Variants in DOP1A observed in about 807,000 individuals in gnomAD.
DOP1A encodes DOP1 leucine zipper like protein A, also known as protein DOP1A.
In DOP1A, 90 loss-of-function variants were observed where a neutral mutation model predicts 267.6. The ratio of observed to expected loss-of-function variants is 0.34; its 90% confidence interval spans 0.28 to 0.40. The LOEUF (loss-of-function observed/expected upper bound fraction) is 0.40. Among genes scored for constraint, DOP1A ranks in the 10% least tolerant of loss-of-function variants. The probability of loss-of-function intolerance (pLI) is 1.00; values close to 1 mark genes in which losing one functional copy is unlikely to be tolerated. For synonymous variants in DOP1A, 932 were observed against 999.1 expected (o/e 0.93, Z 1.27); for missense variants, 2,437 against 2,900.4 (o/e 0.84, Z 3.67).
chr6:83,122,602 CTTTT>C (rs1311070625), intron 11 of DOP1A, among the ~76,000 whole-genome samples: 2 of 151,878 alleles, frequency 1.3e-5, no homozygotes, highest in Non-Finnish European at 2.9e-5. Flanking sequence ...AATTCTTGTT[CTTTT>C]GTCTTTTTTA....
Position 83,137,595 on chromosome 6 carries a change from A to T in DOP1A, c.3553A>T (p.Ser1185Cys), listed in dbSNP as rs1261880474. ...AATTGAAGCTATGCCCCCAAAGTGC[A>T]GTGATATAGATCCAGATGAAGAGAC... The part of the protein sequence containing the change: ...LEIEAMPPKC[S>C]DIDPDEETIK... Residue 1185 changes from serine (S) to cysteine (C), a missense_variant, in exon 21 of 39, where the codon AGT becomes TGT. Physicochemically the swap from Ser to Cys is moderately radical, Grantham distance 112. Coordinates refer to ENST00000349129, the MANE Select transcript of DOP1A (RefSeq NM_015018.4). 6.2e-7 allele frequency: 1 copy of T among 1,613,878 alleles called. No individual in the cohort carries two copies. The highest frequency in any genetic ancestry group is 1.1e-5 in the South Asian group (1 of 91,076).
chr6:83,076,419 G>A (rs75134530), intron 1 of DOP1A, among the ~76,000 whole-genome samples: 1 of 152,130 alleles, frequency 6.6e-6, no homozygotes, highest in South Asian at 2.1e-4. Flanking sequence ...CTATTCAGGA[G>A]GCTGAGGCAA....
At chr6:83,136,249 G>T (rs1435257426) in intron 20 of DOP1A, among the ~76,000 whole-genome samples, 1 of 152,052 alleles carries the variant, frequency 6.6e-6, no homozygotes, top group Non-Finnish European at 1.5e-5. Flanking sequence ...TGTATTTCAT[G>T]AGTCATTTTC....
At chr6:83,124,602 T>C (rs1230308486) in intron 12 of DOP1A, 103 bp from the exon 13 acceptor site, 5 of 844,354 alleles carry the variant, frequency 5.9e-6, no homozygotes, top group Non-Finnish European at 9.9e-6. Flanking sequence ...TTACTGTGTG[T>C]GACCCAATAT....
rs187721305 is a variant in DOP1A, at chr6:83,149,375, T to C, written c.5837+512T>C. ...CTCTCTTTCTTGCTTGCCATTATTC[T>C]TGATTCCTAATAGGTCCCCAGTAAA... On this transcript the variant is annotated intron_variant, in intron 27 of 38. Coordinates refer to ENST00000349129, the MANE Select transcript of DOP1A (RefSeq NM_015018.4). 4.1e-4 allele frequency among the ~76,000 whole-genome samples: 63 copies of C among 152,308 alleles called. 1 individual carries two copies. The East Asian group carries it at 9.6e-3, about 23-fold the overall frequency.
At chr6:83,117,760 A>G (rs1448626196) in intron 7 of DOP1A, among the ~76,000 whole-genome samples, 2 of 152,110 alleles carry the variant, frequency 1.3e-5, no homozygotes, top group Non-Finnish European at 2.9e-5. Context: ...TACTTTGTGC[A>G]CCCCCTGAAA....
Position 83,120,689 on chromosome 6 carries a change from G to A in DOP1A, c.997G>A (p.Val333Met). The A allele has an allele frequency of 6.4e-7, 1 of 1,573,210 alleles. No homozygotes were observed. The highest frequency in any genetic ancestry group is 8.7e-7 in the Non-Finnish European group (1 of 1,149,702). Residue 333 changes from valine (V) to methionine (M), a missense_variant, in exon 10 of 39, where the codon GTG (valine) becomes ATG (methionine). Around this residue, in one of 9 missense-constraint regions of DOP1A, gnomAD observed 498 missense variants for 513.5 expected, o/e 0.97. Coordinates refer to ENST00000349129, the MANE Select transcript of DOP1A (RefSeq NM_015018.4). The stretch of plus-strand genomic sequence containing the variant: ...GTACTTTCCTTTTTTAAAGGCAATG[G>A]TGGGAATCTTACAAGTGAATGGATT... ...FSKELLVQAM[V>M]GILQVNGFGE...
At position 83,132,238 on chromosome 6, in the gene DOP1A, T is replaced by A; in HGVS notation, c.2679T>A (p.Ser893Arg). The A allele has an allele frequency of 6.2e-7, 1 of 1,613,756 alleles. No individual in the cohort carries two copies. The highest frequency in any genetic ancestry group is 2.2e-5 in the East Asian group (1 of 44,862). ...GGACACCTCAGCATCACCAGAAGAG[T>A]GTGGAACTATTTTATCAATTACATA... ...GDGTPQHHQK[S>R]VELFYQLHNL... is the part of the protein sequence containing the mutation. Residue 893 changes from serine to arginine, a missense_variant, in exon 18 of 39, where the codon AGT becomes AGA. Ser to Arg is a moderately radical substitution (Grantham distance 110). Transcript: ENST00000349129.
chr6:83,156,662 G>A (rs894711622), intron 34 of DOP1A, among the ~76,000 whole-genome samples: 4 of 152,168 alleles, frequency 2.6e-5, no homozygotes, highest in African/African-American at 7.2e-5. Flanking sequence ...TTTGCTGCTC[G>A]AGTCAGCATA....
intron 4 of DOP1A, among the ~76,000 whole-genome samples, chr6:83,108,029 C>A (rs1773929151): frequency 6.6e-6 from 1 of 152,174 alleles, no homozygotes; most frequent in Admixed American, 6.5e-5. Flanking sequence ...TGAACCAATA[C>A]ATGTTAAAAC....
intron 6 of DOP1A, among the ~76,000 whole-genome samples, chr6:83,110,523 A>G (rs1774365722): frequency 6.6e-6 from 1 of 152,214 alleles, no homozygotes; most frequent in African/African-American, 2.4e-5. Flanking sequence ...TTGGCCTCAT[A>G]GCCTTCTTTA....
At chr6:83,107,113 A>G (rs180947161) in intron 4 of DOP1A, among the ~76,000 whole-genome samples, 179 of 152,166 alleles carry the variant, frequency 1.2e-3, no homozygotes, top group Middle Eastern at 3.4e-3. Flanking sequence ...GGTAGCTTTA[A>G]GCCAGAAGGT....
intron 21 of DOP1A, 39 bp from the exon 22 acceptor site, chr6:83,139,961 T>C: frequency 7.3e-7 from 1 of 1,370,142 alleles, no homozygotes; most frequent in Non-Finnish European, 1.0e-6. Flanking sequence ...AACTATACTA[T>C]CATAAAACTT....
chr6:83,128,229 G>A (rs961546502), intron 15 of DOP1A, among the ~76,000 whole-genome samples: 8 of 152,110 alleles, frequency 5.3e-5, no homozygotes, highest in Non-Finnish European at 1.0e-4. Context: ...CAGAAAATAT[G>A]CTTGATATTT....
chr6:83,146,824 T>C (rs1195740644), intron 25 of DOP1A, among the ~76,000 whole-genome samples: 1 of 152,186 alleles, frequency 6.6e-6, no homozygotes, highest in Non-Finnish European at 1.5e-5. Flanking sequence ...AAATTTGAAC[T>C]ACACTAATTG....
chr6:83,135,816 C>G lies in DOP1A; in HGVS notation c.3068C>G (p.Ser1023Cys). 6.2e-7 allele frequency: 1 copy of G among 1,613,548 alleles called. No homozygotes were observed. The change falls in exon 20 of 39, where the codon TCT becomes TGT. Residue 1023 changes from serine to cysteine, a missense_variant. This residue lies in a region of DOP1A where 878 missense variants were observed against 992.9 expected (regional missense o/e 0.88). Coordinates refer to ENST00000349129, the MANE Select transcript of DOP1A (RefSeq NM_015018.4). ...CAAGCAGAACGTTATTGGAATAAGT[C>G]TCCCTGTTATCCAGGAGAGGAGAGT... The part of the protein sequence containing the change: ...RVQAERYWNK[S>C]PCYPGEESDK...
intron 20 of DOP1A, among the ~76,000 whole-genome samples, chr6:83,136,445 G>A (rs1472621640): frequency 2.0e-5 from 3 of 152,012 alleles, no homozygotes; most frequent in Non-Finnish European, 4.4e-5. Flanking sequence ...TTTCATTTAA[G>A]GGACAAAGAC....
intron 27 of DOP1A, among the ~76,000 whole-genome samples, chr6:83,151,065 T>A (rs1048469548): frequency 2.6e-5 from 4 of 152,252 alleles, no homozygotes; most frequent in African/African-American, 9.6e-5. Context: ...TTGTGTCGGC[T>A]TCTTTTGTTC....
chr6:83,148,176 G>A (rs1780916923), intron 26 of DOP1A, among the ~76,000 whole-genome samples: 1 of 152,136 alleles, frequency 6.6e-6, no homozygotes. Context: ...CACTTTGGGA[G>A]GCCGAGGCGG....
Sources: gnomAD v4.1 joint callset for allele counts (sites outside exome capture counted in the v4.1 genomes callset) on GRCh38, gnomAD v4.1.1 for gene constraint, gnomAD v4.1.1 regional missense constraint, MANE v1.5 for transcripts, NCBI Gene and HGNC (gene_info 2026-07-23, HGNC 2026-07-21) for gene names.